The following DGLUCY variants were observed in gnomAD, a reference collection of about 807,000 sequenced individuals.
The protein encoded by DGLUCY is D-glutamate cyclase.
DGLUCY carries 58 observed loss-of-function variants against 58.5 expected under a neutral mutation model. That is an observed-to-expected ratio of 0.99 (90% CI 0.80 to 1.23). The LOEUF is 1.23. DGLUCY is among the 50% of genes most tolerant of loss of function. DGLUCY has a pLI of 0.00. For synonymous variants in DGLUCY, 325 were observed against 314.1 expected (o/e 1.03, Z -0.37); for missense variants, 779 against 784.7 (o/e 0.99, Z 0.09).
At chr14:91,062,533 G>A (rs1490407470) in intron 1 of DGLUCY, among the ~76,000 whole-genome samples, 3 of 121,800 alleles carry the variant, frequency 2.5e-5, no homozygotes, top group African/African-American at 9.4e-5. Context: ...GGGCAACAGA[G>A]CGAGACTCTG....
At chr14:91,205,988 T>A (rs1022154244) in intron 12 of DGLUCY, among the ~76,000 whole-genome samples, 5 of 150,756 alleles carry the variant, frequency 3.3e-5, no homozygotes, top group African/African-American at 1.2e-4. Context: ...TACAGGTACA[T>A]GCCACCACAC....
chr14:91,142,206 T>G (rs1488801224), intron 1 of DGLUCY, among the ~76,000 whole-genome samples: 2 of 152,100 alleles, frequency 1.3e-5, no homozygotes, highest in Non-Finnish European at 2.9e-5. Context: ...TGGCATTCAG[T>G]CTATATTTAT....
At position 91,224,992 on chromosome 14, in the gene DGLUCY, A is replaced by T; in HGVS notation, c.*159A>T. On this transcript the variant is annotated 3_prime_UTR_variant, in exon 14 of 14. Transcript: ENST00000256324. ...GGAAACTGCATGCCCACTTTCTGGG[A>T]GGGGTTAGTGCAGGTGCTGTGGACA... 1.2e-6 allele frequency: 1 copy of T among 809,980 alleles called. No individual in the cohort carries two copies. The highest frequency in any genetic ancestry group is 1.8e-6 in the Non-Finnish European group (1 of 552,096). 50.2% of individuals were successfully genotyped at this position (809,980 alleles called of 1,614,324 possible). A position where few individuals can be genotyped will look rare whatever the true frequency, so the allele number is the denominator to read the frequency against.
chr14:91,078,281 G>A (rs1304478002), intron 1 of DGLUCY, among the ~76,000 whole-genome samples: 1 of 152,184 alleles, frequency 6.6e-6, no homozygotes, highest in Non-Finnish European at 1.5e-5. Context: ...AAGGCAGTAT[G>A]AATCAGTGTT....
intron 1 of DGLUCY, among the ~76,000 whole-genome samples, chr14:91,081,469 A>G (rs981833106): frequency 2.0e-5 from 3 of 152,340 alleles, no homozygotes; most frequent in East Asian, 1.9e-4. Context: ...TTTAGCAGGT[A>G]TATTAGTTTC....
At chr14:91,163,152 C>G (rs1022011053) in intron 3 of DGLUCY, among the ~76,000 whole-genome samples, 2 of 150,686 alleles carry the variant, frequency 1.3e-5, no homozygotes, top group East Asian at 2.0e-4. Flanking sequence ...CCCAGCTACT[C>G]GGGAGGCTGA....
At chr14:91,177,352 AG>A (rs2048918932) in intron 7 of DGLUCY, among the ~76,000 whole-genome samples, 1 of 152,214 alleles carries the variant, frequency 6.6e-6, no homozygotes, top group South Asian at 2.1e-4. Flanking sequence ...CCATTCTAGC[AG>A]GAGGACTAAC....
intron 1 of DGLUCY, among the ~76,000 whole-genome samples, chr14:91,077,844 AAGAG>A (rs1332067589): frequency 6.6e-5 from 10 of 151,124 alleles, no homozygotes; most frequent in Non-Finnish European, 1.2e-4. Context: ...GAAAGGAAGA[AAGAG>A]AGGAATGAAG....
intron 8 of DGLUCY, among the ~76,000 whole-genome samples, chr14:91,181,654 GTTTTCTTTC>G (rs2049176908): frequency 1.1e-5 from 1 of 95,170 alleles, no homozygotes; most frequent in Admixed American, 1.1e-4. Context: ...TCTTTCTTTT[GTTTTCTTTC>G]TTTTCTTTCT....
At chr14:91,082,296 C>T (rs879839639) in intron 1 of DGLUCY, among the ~76,000 whole-genome samples, 6 of 152,178 alleles carry the variant, frequency 3.9e-5, no homozygotes, top group Non-Finnish European at 8.8e-5. Flanking sequence ...GAAAGAGGTA[C>T]CTGACCCAAG....
rs4900072 is a variant in DGLUCY at position 91,170,188 on chromosome 14, C to A, written c.443C>A (p.Ala148Glu). 1.9e-6 allele frequency: 3 copies of A among 1,613,316 alleles called. No individual in the cohort carries two copies. The African/African-American group carries it at 4.0e-5, about 22-fold the overall frequency. Reference protein sequence around the residue: ...PRRDPAGHSQAGAYKTTVPCV... With the variant: ...PRRDPAGHSQEGAYKTTVPCV... The stretch of plus-strand genomic sequence containing the variant: ...AGAGACCCAGCAGGTCACAGCCAGG[C>A]GGGTGCATACAAGGTAGGGACACAG... Residue 148 changes from alanine to glutamate, a missense_variant, in exon 5 of 14, where the codon GCG (alanine) becomes GAG (glutamate). Transcript: ENST00000256324.
intron 6 of DGLUCY, 37 bp from the exon 7 acceptor site, chr14:91,175,897 C>T: frequency 6.2e-7 from 1 of 1,611,162 alleles, no homozygotes; most frequent in South Asian, 1.1e-5. Context: ...TGGATGCTCC[C>T]TGCTGAGGAA....
chr14:91,195,887 G>A (rs535887968), intron 9 of DGLUCY, among the ~76,000 whole-genome samples: 10 of 152,094 alleles, frequency 6.6e-5, no homozygotes, highest in Middle Eastern at 3.4e-3. Flanking sequence ...AGCCGGGATG[G>A]TCTCAATCTC....
At chr14:91,065,631 A>C (rs2043807231) in intron 1 of DGLUCY, among the ~76,000 whole-genome samples, 1 of 152,186 alleles carries the variant, frequency 6.6e-6, no homozygotes, top group South Asian at 2.1e-4. Flanking sequence ...CCTAATGTAC[A>C]ACCAAGTTTG....
chr14:91,074,160 C>CACACACACACAT lies in DGLUCY; in HGVS notation c.-82+13457_-82+13458insCACACACACATA, dbSNP rs1453975330. 2.1e-3 allele frequency among the ~76,000 whole-genome samples: 284 copies of CACACACACACAT among 136,036 alleles called. 5 individuals carry two copies. Among genetic ancestry groups the CACACACACACAT allele is most frequent in the African/African-American group, 4.6e-3 (154 of 33,732 alleles). 89.2% of individuals were successfully genotyped at this position (136,036 alleles called of 152,430 possible). On this transcript the variant is annotated intron_variant, in intron 1 of 4. Coordinates refer to the DGLUCY transcript ENST00000521334. ...ACACACACACACACACACACACACA[C>CACACACACACAT]AGTCAAGCACCTGTATTCCCAGCTA...
intron 1 of DGLUCY, among the ~76,000 whole-genome samples, chr14:91,118,611 G>C (rs1412433791): frequency 1.3e-5 from 2 of 152,116 alleles, no homozygotes; most frequent in Non-Finnish European, 2.9e-5. Context: ...TCTTTTATCT[G>C]TCTTAAGATC....
At chr14:91,135,134 G>A (rs1467222917) in intron 1 of DGLUCY, among the ~76,000 whole-genome samples, 2 of 151,742 alleles carry the variant, frequency 1.3e-5, no homozygotes, top group Non-Finnish European at 2.9e-5. Flanking sequence ...ATATTTTCTA[G>A]GCTGGTCTTG....
intron 1 of DGLUCY, among the ~76,000 whole-genome samples, chr14:91,062,558 A>AAAAAATATAT (rs1555386902): frequency 4.2e-5 from 1 of 23,692 alleles, no homozygotes; most frequent in African/African-American, 1.9e-4. Context: ...AAAAAAAAAA[A>AAAAAATATAT]ATATATATAT....
At chr14:91,203,624 A>G (rs1229880488) in intron 11 of DGLUCY, among the ~76,000 whole-genome samples, 2 of 151,674 alleles carry the variant, frequency 1.3e-5, no homozygotes, top group Non-Finnish European at 2.9e-5. Flanking sequence ...CCCCAGATCT[A>G]CAGCACCACC....
Sources: allele counts gnomAD v4.1 joint callset (sites outside exome capture counted in the v4.1 genomes callset), GRCh38; gene constraint gnomAD v4.1.1; transcripts MANE v1.5; gene names NCBI Gene and HGNC (gene_info 2026-07-23, HGNC 2026-07-21).